ZFHX4: variants seen among roughly 807,000 people sequenced by gnomAD.
The protein encoded by ZFHX4 is zinc finger homeobox 4.
In ZFHX4, 56 loss-of-function variants were observed where a neutral mutation model predicts 267.6. The observed-to-expected ratio is 0.21, with a 90% CI of 0.17 to 0.26. ZFHX4 has a LOEUF of 0.26. Ranked by LOEUF, ZFHX4 falls within the 10% of genes least tolerant of loss-of-function variation. The pLI, the probability that ZFHX4 is intolerant of heterozygous loss-of-function variation, is 1.00. For synonymous variants in ZFHX4, 1,778 were observed against 1,665.6 expected (o/e 1.07, Z -1.64); for missense variants, 4,332 against 4,420.0 (o/e 0.98, Z 0.56).
intron 4 of ZFHX4, among the ~76,000 whole-genome samples, chr8:76,824,504 C>T (rs1468542687): frequency 6.6e-6 from 1 of 152,184 alleles, no homozygotes; most frequent in African/African-American, 2.4e-5. Context: ...AAAAAACCTA[C>T]CTAGGGCTGA....
intron 4 of ZFHX4, among the ~76,000 whole-genome samples, chr8:76,800,317 A>T (rs185491539): frequency 7.9e-5 from 12 of 152,324 alleles, no homozygotes; most frequent in Admixed American, 7.2e-4. Flanking sequence ...AAGAGTTACC[A>T]GCTAGTGAGC....
At chr8:76,861,127 G>T (rs368116969) in intron 10 of ZFHX4, among the ~76,000 whole-genome samples, 1 of 151,994 alleles carries the variant, frequency 6.6e-6, no homozygotes, top group East Asian at 1.9e-4. Flanking sequence ...TAATGCTTGG[G>T]CCATCTTTAT....
chr8:76,686,022 G>C (rs1411279152), intron 1 of ZFHX4, among the ~76,000 whole-genome samples: 2 of 152,178 alleles, frequency 1.3e-5, no homozygotes, highest in African/African-American at 4.8e-5. Flanking sequence ...GAAATTTGGA[G>C]AGAGGTCAAA....
chr8:76,843,337 A>G (rs376962909), intron 6 of ZFHX4, among the ~76,000 whole-genome samples: 3 of 152,208 alleles, frequency 2.0e-5, no homozygotes, highest in African/African-American at 4.8e-5. Flanking sequence ...GATTCAGCCT[A>G]AGAAAGAGGA....
At chr8:76,698,151 G>A (rs1445804426) in intron 1 of ZFHX4, among the ~76,000 whole-genome samples, 1 of 152,002 alleles carries the variant, frequency 6.6e-6, no homozygotes, top group African/African-American at 2.4e-5. Flanking sequence ...TCACACCAAT[G>A]CAAACTATTC....
intron 3 of ZFHX4, among the ~76,000 whole-genome samples, chr8:76,763,492 A>G (rs572204632): frequency 2.3e-4 from 35 of 152,182 alleles, no homozygotes; most frequent in Middle Eastern, 3.4e-3. Context: ...GCATGATGGC[A>G]TGGACCTGTG....
At chr8:76,702,067 T>G (rs1397873682) in intron 1 of ZFHX4, among the ~76,000 whole-genome samples, 2 of 152,154 alleles carry the variant, frequency 1.3e-5, no homozygotes, top group Non-Finnish European at 2.9e-5. Flanking sequence ...AAGATAAACA[T>G]TAATGTTTAT....
chr8:76,692,803 A>T (rs1807857959), intron 1 of ZFHX4, among the ~76,000 whole-genome samples: 1 of 152,138 alleles, frequency 6.6e-6, no homozygotes, highest in South Asian at 2.1e-4. Flanking sequence ...TTTGGATTAT[A>T]ATTTTCCAAT....
rs77954541 is a variant in ZFHX4, at chr8:76,796,014, T to G, written c.3325+17575T>G. 9.3e-3 allele frequency among the ~76,000 whole-genome samples: 1,416 copies of G among 152,222 alleles called. 24 individuals are homozygous for G. Among genetic ancestry groups the G allele is most frequent in the African/African-American group, 0.033 (1,371 of 41,546 alleles). ...ATTAGATTGTGGAAGGCCAAAAATCTTAGAGAGTTTTGCATGGTAGTTTAA... is the reference window on the plus strand; with the variant it reads ...ATTAGATTGTGGAAGGCCAAAAATCGTAGAGAGTTTTGCATGGTAGTTTAA... On this transcript the variant is annotated intron_variant, in intron 4 of 10. Coordinates refer to ENST00000651372, the MANE Select transcript of ZFHX4 (RefSeq NM_024721.5).
chr8:76,731,432 G>C (rs919089446), intron 3 of ZFHX4, among the ~76,000 whole-genome samples: 1 of 152,146 alleles, frequency 6.6e-6, no homozygotes, highest in Admixed American at 6.6e-5. Context: ...AGAATTGGTT[G>C]TTTCCTCTTC....
Position 76,704,762 on chromosome 8 carries a change from A to T in ZFHX4, c.674A>T (p.His225Leu). ...SALAGVGPVLHSFRVYDLRHK... is the reference protein window; with the variant it reads ...SALAGVGPVLLSFRVYDLRHK... ...TTAGCAGGAGTTGGTCCTGTGTTGC[A>T]CAGTTTCCGTGTCTATGATCTCCGA... The change falls in exon 2 of 11, where the codon CAC (histidine) becomes CTC (leucine). Residue 225 changes from histidine to leucine, a missense_variant. Coordinates refer to ENST00000651372, the MANE Select transcript of ZFHX4 (RefSeq NM_024721.5). 1 of 1,614,020 alleles carries T rather than the reference A, an allele frequency of 6.2e-7. No homozygotes were observed. Among genetic ancestry groups the T allele is most frequent in the Non-Finnish European group, 8.5e-7 (1 of 1,179,906 alleles).
intron 4 of ZFHX4, among the ~76,000 whole-genome samples, chr8:76,819,142 GTTTTT>G (rs11361228): frequency 1.6e-5 from 2 of 127,614 alleles, no homozygotes; most frequent in African/African-American, 2.9e-5. Flanking sequence ...GCTCATAAAG[GTTTTT>G]TTTTTTTTTT....
intron 3 of ZFHX4, among the ~76,000 whole-genome samples, chr8:76,736,655 G>A (rs906665730): frequency 2.6e-5 from 4 of 152,096 alleles, no homozygotes; most frequent in Non-Finnish European, 5.9e-5. Context: ...GACTTCCTCA[G>A]CCAGATAATT....
At chr8:76,829,510 C>G (rs373930977) in intron 4 of ZFHX4, among the ~76,000 whole-genome samples, 3 of 151,930 alleles carry the variant, frequency 2.0e-5, no homozygotes, top group African/African-American at 7.3e-5. Context: ...TCATTCTTAA[C>G]GATTAAAAGG....
Position 76,702,963 on chromosome 8 carries a change from GACAC to G in ZFHX4, c.-46-1056_-46-1053del, listed in dbSNP as rs33934020. On this transcript the variant is annotated intron_variant, in intron 1 of 10. Coordinates refer to ENST00000651372, the MANE Select transcript of ZFHX4 (RefSeq NM_024721.5). ...TACAGTAGCTGAGGTTCTCAGGCAA[GACAC>G]ACACACACACACACACACACACAAA... Among the ~76,000 whole-genome samples the G allele has an allele frequency of 6.4e-4, 94 of 147,636 alleles. 2 individuals carry two copies. Among genetic ancestry groups the G allele is most frequent in the South Asian group, 1.3e-3 (6 of 4,644 alleles).
At chr8:76,796,749 T>A (rs1810989174) in intron 4 of ZFHX4, among the ~76,000 whole-genome samples, 1 of 152,122 alleles carries the variant, frequency 6.6e-6, no homozygotes, top group South Asian at 2.1e-4. Flanking sequence ...ATTTGTAATG[T>A]TTTTTTGAAA....
chr8:76,784,728 C>T (rs939635540), intron 4 of ZFHX4, among the ~76,000 whole-genome samples: 2 of 152,072 alleles, frequency 1.3e-5, no homozygotes, highest in Non-Finnish European at 2.9e-5. Context: ...GGTCCATTCG[C>T]AGGCATACTG....
rs139020049 is a variant in ZFHX4, at chr8:76,797,974, T to C, written c.3325+19535T>C. On this transcript the variant is annotated intron_variant, in intron 4 of 10. Coordinates refer to ENST00000651372, the MANE Select transcript of ZFHX4 (RefSeq NM_024721.5). ...TAGCAGATGTTTCCATATTTTAGTC[T>C]TCTAAGATGTTGTCAGTAACCAGTC... Among the ~76,000 whole-genome samples, 1,222 of 151,956 alleles carry C rather than the reference T, an allele frequency of 8.0e-3. 7 individuals are homozygous for C. The highest frequency in any genetic ancestry group is 0.013 in the Non-Finnish European group (865 of 67,930).
At chr8:76,729,784 T>G (rs1050176460) in intron 3 of ZFHX4, among the ~76,000 whole-genome samples, 3 of 152,140 alleles carry the variant, frequency 2.0e-5, no homozygotes, top group African/African-American at 7.2e-5. Context: ...TATAACAGAT[T>G]GAAAAGCTCC....
Sources: allele counts gnomAD v4.1 joint callset (sites outside exome capture counted in the v4.1 genomes callset), GRCh38; gene constraint gnomAD v4.1.1; transcripts MANE v1.5; gene names NCBI Gene and HGNC (gene_info 2026-07-23, HGNC 2026-07-21).